The following HOXD13 variants were observed in gnomAD, a reference collection of about 807,000 sequenced individuals.
HOXD13 encodes homeobox D13, also known as homeobox protein Hox-D13.
HOXD13 carries 16 observed loss-of-function variants against 27.3 expected under a neutral mutation model. The observed-to-expected ratio is 0.59, with a 90% CI of 0.40 to 0.89. The LOEUF (loss-of-function observed/expected upper bound fraction) is 0.89. Ranked by LOEUF, HOXD13 falls within the 40% of genes least tolerant of loss-of-function variation. The pLI, the probability that HOXD13 is intolerant of heterozygous loss-of-function variation, is 0.00. For synonymous variants in HOXD13, 241 were observed against 219.0 expected (o/e 1.10, Z -0.89); for missense variants, 481 against 482.6 (o/e 1.00, Z 0.03).
chr2:176,088,100 C>T (rs537956487), upstream of HOXD13, among the ~76,000 whole-genome samples: 186 of 152,388 alleles, frequency 1.2e-3, no homozygotes, highest in Non-Finnish European at 1.9e-3. Context: ...TGCGGTCCCG[C>T]CTTGGGACGC....
chr2:176,092,649 GC>G (rs1469458551), upstream of HOXD13, among the ~76,000 whole-genome samples: 1 of 152,090 alleles, frequency 6.6e-6, no homozygotes, highest in Non-Finnish European at 1.5e-5. Flanking sequence ...GCGGGAGGCG[GC>G]CCCCCGACCG....
At chr2:176,093,742 G>A (rs1689369434) in intron 1 of HOXD13, 71 bp downstream of exon 1, 1 of 1,033,494 alleles carries the variant, frequency 9.7e-7, no homozygotes, top group Admixed American at 2.5e-5. Flanking sequence ...AGGACTAAGA[G>A]TATGCGCCCC....
intron 1 of HOXD13, among the ~76,000 whole-genome samples, chr2:176,094,276 G>T (rs1418429397): frequency 6.6e-6 from 1 of 152,066 alleles, no homozygotes; most frequent in East Asian, 1.9e-4. Context: ...AACCATTGTT[G>T]TTAAGTGCAA....
chr2:176,092,922 G>C lies in HOXD13; in HGVS notation c.32G>C (p.Gly11Ala), dbSNP rs536639583. The part of the protein sequence containing the change: MSRAGSWDMD[G>A]LRADGGGAGG... ...CGCGCCGGGAGCTGGGACATGGACG[G>C]GCTGCGGGCAGACGGCGGGGGCGCC... The change falls in exon 1 of 2, where the codon GGG becomes GCG. Residue 11 changes from glycine to alanine, a missense_variant. Transcript: ENST00000392539. 5.0e-4 allele frequency: 665 copies of C among 1,329,670 alleles called. 5 individuals carry two copies. The East Asian group carries it at 0.018, about 35-fold the overall frequency. 82.4% of individuals were successfully genotyped at this position (1,329,670 alleles called of 1,614,324 possible).
chr2:176,092,700 C>G (rs918491640), upstream of HOXD13, among the ~76,000 whole-genome samples: 5 of 152,080 alleles, frequency 3.3e-5, no homozygotes, highest in Non-Finnish European at 7.4e-5. Flanking sequence ...TTTTTATAAA[C>G]GTCCCGCGAT....
rs753639374 is a variant in HOXD13 at position 176,094,577 on chromosome 2, C to G, written c.879C>G (p.Asn293Lys). ...AACTGCAGCTTAAAGAACTGGAGAA[C>G]GAGTATGCCATTAACAAATTCATTA... ...YTKLQLKELE[N>K]EYAINKFINK... Residue 293 changes from asparagine to lysine, a missense_variant, in exon 2 of 2, where the codon AAC (asparagine) becomes AAG (lysine). By Grantham distance (94) the Asn-to-Lys change is moderately conservative (BLOSUM62 0). Transcript: ENST00000392539. The G allele has an allele frequency of 1.6e-5, 26 of 1,613,902 alleles. No individual in the cohort carries two copies. Among genetic ancestry groups the G allele is most frequent in the Non-Finnish European group, 2.2e-5 (26 of 1,179,936 alleles).
upstream of HOXD13, among the ~76,000 whole-genome samples, chr2:176,088,565 C>T (rs1689277024): frequency 1.3e-5 from 2 of 152,012 alleles, no homozygotes; most frequent in Admixed American, 6.5e-5. Flanking sequence ...CGGCTCCCCC[C>T]TTCGTGCTTG....
Position 176,093,257 on chromosome 2 carries a change from C to T in HOXD13, c.367C>T (p.Pro123Ser). 1 of 1,610,680 alleles carries T rather than the reference C, an allele frequency of 6.2e-7. No homozygotes were observed. Among genetic ancestry groups the T allele is most frequent in the Admixed American group, 1.7e-5 (1 of 59,790 alleles). Reference sequence around the variant, plus strand: ...GGCCGCTGCAGCGCCCCCGAGCGCTCCAGCGCTGGGCTACGGCTACCACTT... The same window carrying T: ...GGCCGCTGCAGCGCCCCCGAGCGCTTCAGCGCTGGGCTACGGCTACCACTT... ...AAAAAAPPSA[P>S]ALGYGYHFGN... The change falls in exon 1 of 2, where the codon CCA becomes TCA. Residue 123 changes from proline to serine, a missense_variant. By Grantham distance (74) the Pro-to-Ser change is moderately conservative. Transcript: ENST00000392539.
In HOXD13 at chr2:176,094,778, C is replaced by G; in HGVS notation, c.*48C>G. 6.4e-7 allele frequency: 1 copy of G among 1,568,774 alleles called. No homozygotes were observed. Among genetic ancestry groups the G allele is most frequent in the Non-Finnish European group, 8.8e-7 (1 of 1,139,128 alleles). ...CAGCTTAGAAGCCATTCGGTTGTCTCCAAAAGGCCTTTGGAAAGACTTGAA... is the reference window on the plus strand; with the variant it reads ...CAGCTTAGAAGCCATTCGGTTGTCTGCAAAAGGCCTTTGGAAAGACTTGAA... On this transcript the variant is annotated 3_prime_UTR_variant, in exon 2 of 2. Transcript: ENST00000392539.
chr2:176,092,507 G>A (rs1048176609), upstream of HOXD13, among the ~76,000 whole-genome samples: 1 of 151,292 alleles, frequency 6.6e-6, no homozygotes, highest in African/African-American at 2.4e-5. Flanking sequence ...GACCCTGCAA[G>A]GGGCAGGAGA....
Position 176,093,189 on chromosome 2 carries a change from AG to A in HOXD13, c.301del (p.Ala101LeufsTer165), listed in dbSNP as rs1201823263. The A allele has an allele frequency of 6.2e-7, 1 of 1,608,722 alleles. No homozygotes were observed. The highest frequency in any genetic ancestry group is 8.5e-7 in the Non-Finnish European group (1 of 1,179,484). ...SSSAVVAARP[E>X]APPAKECPAP... ...TCTGCCGTTGTAGCGGCGCGCCCGG[AG>A]GCTCCCCCAGCCAAAGAGTGCCCAG... On this transcript the variant is annotated frameshift_variant, in exon 1 of 2. Transcript: ENST00000392539. LOFTEE classifies it high-confidence loss of function.
chr2:176,092,070 G>A (rs561366695), upstream of HOXD13, among the ~76,000 whole-genome samples: 4 of 152,240 alleles, frequency 2.6e-5, no homozygotes, highest in Non-Finnish European at 5.9e-5. Flanking sequence ...AGTCTCTGCC[G>A]CCAGCCCCAA....
In HOXD13 at chr2:176,093,132, A is replaced by G; in HGVS notation, c.242A>G (p.Glu81Gly). ...ASGFAYPGTSERTGSSSSSSS... is the reference protein window; with the variant it reads ...ASGFAYPGTSGRTGSSSSSSS... ...GGCTTTGCGTACCCCGGGACCTCTG[A>G]GCGCACGGGCTCTTCCTCGTCGTCG... The change falls in exon 1 of 2, where the codon GAG becomes GGG. Residue 81 changes from glutamate to glycine, a missense_variant. Glu to Gly is a moderately conservative substitution (Grantham distance 98). Coordinates refer to ENST00000392539, the MANE Select transcript of HOXD13 (RefSeq NM_000523.4). The G allele has an allele frequency of 6.2e-7, 1 of 1,604,178 alleles. No homozygotes were observed. Among genetic ancestry groups the G allele is most frequent in the Non-Finnish European group, 8.5e-7 (1 of 1,178,980 alleles).
chr2:176,087,708 C>T, the HOXD13 span, among the ~76,000 whole-genome samples: 1 of 152,196 alleles, frequency 6.6e-6, no homozygotes, highest in Non-Finnish European at 1.5e-5. Context: ...ACAGAACCCA[C>T]TAGATAAAAC....
rs1427988579 is a variant in HOXD13, at chr2:176,093,442, A to G, written c.552A>G (p.Pro184=). 6.2e-7 allele frequency: 1 copy of G among 1,613,956 alleles called. No individual in the cohort carries two copies. The highest frequency in any genetic ancestry group is 8.5e-7 in the Non-Finnish European group (1 of 1,180,022). Residue 184 remains proline (P), a synonymous_variant, in exon 1 of 2, where the codon CCA becomes CCG. Transcript: ENST00000392539. ...GCAGCGTACCGGCCAACGAGGTGCC[A>G]GCGCGAGCCAAGGAGGTATCCTTCT... is the stretch of plus-strand genomic sequence containing the variant. ...ASSSVPANEV[P]ARAKEVSFYQ... is the part of the protein sequence containing the mutation.
chr2:176,088,564 C>CA (rs1015976765), upstream of HOXD13, among the ~76,000 whole-genome samples: 32 of 152,074 alleles, frequency 2.1e-4, no homozygotes, highest in Non-Finnish European at 3.2e-4. Context: ...TCGGCTCCCC[C>CA]CTTCGTGCTT....
chr2:176,094,353 A>AT, intron 1 of HOXD13, 127 bp from the exon 2 acceptor site: 2 of 981,780 alleles, frequency 2.0e-6, no homozygotes, highest in East Asian at 5.0e-5. Flanking sequence ...ACAGCATGGC[A>AT]TTTTTTAAAA....
At chr2:176,088,767 C>T (rs1437817850), upstream of HOXD13, among the ~76,000 whole-genome samples, 3 of 152,112 alleles carry the variant, frequency 2.0e-5, no homozygotes, top group African/African-American at 7.2e-5. Flanking sequence ...CAAGGACAAC[C>T]CCTCACCTTG....
chr2:176,088,330 C>T (rs1343002593), upstream of HOXD13, among the ~76,000 whole-genome samples: 1 of 152,234 alleles, frequency 6.6e-6, no homozygotes, highest in East Asian at 1.9e-4. Context: ...CTTTCCTCCT[C>T]CCACTCCCGT....
Sources: gnomAD v4.1 joint callset for allele counts (sites outside exome capture counted in the v4.1 genomes callset) on GRCh38, gnomAD v4.1.1 for gene constraint, MANE v1.5 for transcripts, NCBI Gene and HGNC (gene_info 2026-07-23, HGNC 2026-07-21) for gene names.